The following FRMD4A variants were observed in gnomAD, a reference collection of about 807,000 sequenced individuals.
FRMD4A encodes FERM domain containing 4A.
A neutral mutation model predicts 129.1 loss-of-function variants in FRMD4A; 29 were observed. The ratio of observed to expected loss-of-function variants is 0.22; its 90% CI spans 0.17 to 0.31. The LOEUF is 0.31. Ranked by LOEUF, FRMD4A falls within the 10% of genes least tolerant of loss-of-function variation. The pLI, the probability that FRMD4A is intolerant of heterozygous loss-of-function variation, is 1.00. For missense variants in FRMD4A, 1,272 were observed against 1,375.8 expected, an observed-to-expected ratio of 0.92 and a Z score of 1.19; for synonymous variants, 634 against 571.6, an observed-to-expected ratio of 1.11 and a Z score of -1.56.
intron 2 of FRMD4A, among the ~76,000 whole-genome samples, chr10:13,862,199 T>C (rs1229135412): frequency 4.6e-5 from 7 of 152,242 alleles, no homozygotes; most frequent in Admixed American, 4.6e-4. Flanking sequence ...AAAACAGTTC[T>C]GAGCTTCGTT....
chr10:13,929,698 C>T lies in FRMD4A; in HGVS notation c.46-70786G>A, dbSNP rs535696455. ...AGTCATTCCCGAATATTAACTTAGGCAAAATATTTATAACTTTCAGTATTT... is the reference window on the plus strand; with the variant it reads ...AGTCATTCCCGAATATTAACTTAGGTAAAATATTTATAACTTTCAGTATTT... On this transcript the variant is annotated intron_variant, in intron 2 of 24. Coordinates refer to ENST00000357447, the MANE Select transcript of FRMD4A (RefSeq NM_018027.5). 7.2e-5 allele frequency among the ~76,000 whole-genome samples: 11 copies of T among 152,278 alleles called. No homozygotes were observed. The East Asian group carries it at 2.1e-3, about 29-fold the overall frequency.
Position 14,055,337 on chromosome 10 carries a change from G to T in FRMD4A, c.46-196425C>A, listed in dbSNP as rs138712796. Among the ~76,000 whole-genome samples the T allele has an allele frequency of 3.2e-4, 49 of 152,138 alleles. No homozygotes were observed. In the East Asian group the frequency reaches 8.9e-3, roughly 28 times the overall value. ...GCAGTCTTCATCCTCACGTCTTTAT[G>T]ATGTTTCCCATCAAGGCAGTAAGAT... On this transcript the variant is annotated intron_variant, in intron 2 of 24. Transcript: ENST00000357447.
intron 2 of FRMD4A, among the ~76,000 whole-genome samples, chr10:14,170,055 G>C (rs1164985384): frequency 6.6e-6 from 1 of 152,094 alleles, no homozygotes; most frequent in Non-Finnish European, 1.5e-5. Flanking sequence ...GTTTCAAGCA[G>C]ATGTCGAATA....
intron 2 of FRMD4A, among the ~76,000 whole-genome samples, chr10:14,203,336 T>G (rs1033970109): frequency 6.6e-6 from 1 of 152,218 alleles, no homozygotes. Context: ...AGAGATGGGC[T>G]CTCCTAGAGT....
chr10:13,811,828 T>C (rs1205590296), intron 3 of FRMD4A, among the ~76,000 whole-genome samples: 1 of 151,838 alleles, frequency 6.6e-6, no homozygotes, highest in African/African-American at 2.4e-5. Flanking sequence ...CTATGAAAAT[T>C]ACTCCATTCC....
intron 2 of FRMD4A, among the ~76,000 whole-genome samples, chr10:14,125,881 GAACAA>G (rs1228159510): frequency 6.7e-6 from 1 of 150,012 alleles, no homozygotes; most frequent in Non-Finnish European, 1.5e-5. Context: ...AAACAAAACA[GAACAA>G]AACAAAACAA....
intron 2 of FRMD4A, among the ~76,000 whole-genome samples, chr10:13,905,603 C>T (rs933407751): frequency 6.6e-6 from 1 of 152,142 alleles, no homozygotes; most frequent in African/African-American, 2.4e-5. Context: ...ATAATATCTA[C>T]TATTTGTTGA....
chr10:14,208,433 A>C (rs1291721454), intron 2 of FRMD4A, among the ~76,000 whole-genome samples: 1 of 152,016 alleles, frequency 6.6e-6, no homozygotes, highest in Non-Finnish European at 1.5e-5. Context: ...ATATGCTCTC[A>C]TGTTATCTAC....
intron 8 of FRMD4A, among the ~76,000 whole-genome samples, chr10:13,759,122 C>T (rs959100067): frequency 6.6e-6 from 1 of 152,140 alleles, no homozygotes; most frequent in African/African-American, 2.4e-5. Flanking sequence ...CAAATCACCC[C>T]CACCGTCCAT....
intron 9 of FRMD4A, among the ~76,000 whole-genome samples, 160 bp from the exon 10 acceptor site, chr10:13,740,737 T>C (rs1168439386): frequency 6.6e-6 from 1 of 151,970 alleles, no homozygotes; most frequent in Admixed American, 6.6e-5. Context: ...CCAAACTCGG[T>C]CTGAGTGCTA....
intron 2 of FRMD4A, among the ~76,000 whole-genome samples, chr10:14,250,985 C>A (rs541068498): frequency 6.6e-6 from 1 of 152,178 alleles, no homozygotes; most frequent in Non-Finnish European, 1.5e-5. Flanking sequence ...TGCATAGTTT[C>A]TAGCTGTATT....
intron 2 of FRMD4A, among the ~76,000 whole-genome samples, chr10:14,281,028 TGTTGC>T (rs1845501833): frequency 1.4e-5 from 2 of 145,524 alleles, no homozygotes; most frequent in Non-Finnish European, 3.0e-5. Context: ...GTTTCGATCT[TGTTGC>T]CCAGGCTGGA....
chr10:13,998,775 C>A (rs189278125), intron 2 of FRMD4A, among the ~76,000 whole-genome samples: 1 of 152,274 alleles, frequency 6.6e-6, no homozygotes, highest in Non-Finnish European at 1.5e-5. Context: ...TATCCGCTGG[C>A]CTAAATCATC....
intron 12 of FRMD4A, among the ~76,000 whole-genome samples, chr10:13,731,324 T>C (rs1342364775): frequency 6.6e-6 from 1 of 152,152 alleles, no homozygotes. Flanking sequence ...TACTGAGAGC[T>C]GATGACGGGA....
At chr10:13,997,141 T>C (rs1588710743) in intron 2 of FRMD4A, among the ~76,000 whole-genome samples, 1 of 152,220 alleles carries the variant, frequency 6.6e-6, no homozygotes, top group Non-Finnish European at 1.5e-5. Flanking sequence ...TCATCTTCTC[T>C]CTTGCCTTTT....
At chr10:13,791,852 T>C (rs142336000) in intron 5 of FRMD4A, among the ~76,000 whole-genome samples, 2,239 of 152,300 alleles carry the variant, frequency 0.015, 27 homozygotes, top group Middle Eastern at 0.027. Context: ...CAGGTGCAAG[T>C]GGACCCTGAA....
Position 13,681,286 on chromosome 10 carries a change from G to A in FRMD4A, c.1118-6242C>T, listed in dbSNP as rs139326641. On this transcript the variant is annotated intron_variant, in intron 15 of 24. Coordinates refer to ENST00000357447, the MANE Select transcript of FRMD4A (RefSeq NM_018027.5). ...GTCTCATCATTAACCAGTGCCTAAAGGATTTACTGCTTCATCAACAGACCG... is the reference window on the plus strand; with the variant it reads ...GTCTCATCATTAACCAGTGCCTAAAAGATTTACTGCTTCATCAACAGACCG... Among the ~76,000 whole-genome samples the A allele has an allele frequency of 7.1e-4, 108 of 152,210 alleles. No homozygotes were observed. In the East Asian group the frequency reaches 0.015, roughly 21 times the overall value.
intron 6 of FRMD4A, among the ~76,000 whole-genome samples, chr10:13,764,365 A>T (rs1184364094): frequency 6.6e-6 from 1 of 151,676 alleles, no homozygotes; most frequent in Non-Finnish European, 1.5e-5. Context: ...ATTAGCCTGG[A>T]GTGGTGGTGT....
At chr10:14,318,242 A>G (rs1385705397) in intron 2 of FRMD4A, among the ~76,000 whole-genome samples, 6 of 151,890 alleles carry the variant, frequency 4.0e-5, no homozygotes, top group African/African-American at 1.5e-4. Flanking sequence ...GACCTCAGCC[A>G]TGTTCATTAT....
Sources: allele counts gnomAD v4.1 joint callset (sites outside exome capture counted in the v4.1 genomes callset), GRCh38; gene constraint gnomAD v4.1.1; transcripts MANE v1.5; gene names NCBI Gene and HGNC (gene_info 2026-07-23, HGNC 2026-07-21).